The following PDZD2 variants were observed in gnomAD, a reference collection of about 807,000 sequenced individuals.
PDZD2 encodes the protein PDZ domain containing 2.
In PDZD2, 90 loss-of-function variants were observed where a neutral mutation model predicts 220.7. That is an observed-to-expected ratio of 0.41 (90% CI 0.34 to 0.49). The LOEUF (loss-of-function observed/expected upper bound fraction) is 0.49, where lower values mean the gene tolerates loss of function less well. Ranked by LOEUF, PDZD2 falls within the 20% of genes least tolerant of loss-of-function variation. The probability of loss-of-function intolerance (pLI) is 0.28; values close to 1 mark genes in which losing one functional copy is unlikely to be tolerated. For missense variants in PDZD2, 3,174 were observed against 3,608.5 expected (o/e 0.88, Z 3.08); for synonymous variants, 1,375 against 1,450.5 (o/e 0.95, Z 1.18).
chr5:31,991,633 A>C (rs977197500), intron 3 of PDZD2, among the ~76,000 whole-genome samples: 1 of 152,230 alleles, frequency 6.6e-6, no homozygotes, highest in South Asian at 2.1e-4. Flanking sequence ...GTTATATTTA[A>C]GTTGGCCTGT....
rs1744991195 is a variant in PDZD2 at position 31,642,635 on chromosome 5, A to G, written c.-361+3198A>G. Among the ~76,000 whole-genome samples, 3 of 152,178 alleles carry G rather than the reference A, an allele frequency of 2.0e-5. No homozygotes were observed. In the South Asian group the frequency reaches 6.2e-4, roughly 32 times the overall value. On this transcript the variant is annotated intron_variant, in intron 1 of 24. Transcript: ENST00000438447. The stretch of plus-strand genomic sequence containing the variant: ...AGTCCCTCCATTCTCCCTCCCAGGC[A>G]TGTTTGGTAAACAAAAGAGATGTGG...
intron 6 of PDZD2, among the ~76,000 whole-genome samples, chr5:32,018,218 G>T (rs535032233): frequency 1.2e-4 from 18 of 152,226 alleles, no homozygotes; most frequent in Non-Finnish European, 2.4e-4. Context: ...GGCCTCCTTG[G>T]CAGGTCTGAG....
At chr5:31,937,525 G>C (rs567618632) in intron 2 of PDZD2, among the ~76,000 whole-genome samples, 1 of 152,202 alleles carries the variant, frequency 6.6e-6, no homozygotes, top group Admixed American at 6.5e-5. Flanking sequence ...TCCTCATGCC[G>C]TGGTGGCCAC....
intron 2 of PDZD2, among the ~76,000 whole-genome samples, chr5:31,913,552 A>C (rs1044789705): frequency 1.3e-5 from 2 of 152,150 alleles, no homozygotes; most frequent in Non-Finnish European, 2.9e-5. Flanking sequence ...TCATACTATT[A>C]TAATGTTAAC....
At position 32,072,201 on chromosome 5, in the gene PDZD2, C is replaced by T; in HGVS notation, c.2609C>T (p.Ala870Val). Residue 870 changes from alanine to valine, a missense_variant, in exon 17 of 25, where the codon GCC becomes GTC. Physicochemically the swap from Ala to Val is moderately conservative, Grantham distance 64. Transcript: ENST00000438447. ...ISESELSQYF[A>V]HDVPGPLSDF... The stretch of plus-strand genomic sequence containing the variant: ...GAATCTGAACTCTCCCAGTACTTTG[C>T]CCACGATGTCCCTGGCCCCTTGTCA... The T allele has an allele frequency of 2.5e-6, 4 of 1,612,824 alleles. No homozygotes were observed. Among genetic ancestry groups the T allele is most frequent in the Admixed American group, 1.7e-5 (1 of 60,010 alleles).
At chr5:31,970,676 A>G (rs1749220770) in intron 2 of PDZD2, among the ~76,000 whole-genome samples, 1 of 152,132 alleles carries the variant, frequency 6.6e-6, no homozygotes, top group South Asian at 2.1e-4. Context: ...AATTAAAAAA[A>G]AAAGAGTGAC....
rs1755159903 is a variant in PDZD2, at chr5:31,812,153, G to A, written c.476+12429G>A. 5.3e-5 allele frequency among the ~76,000 whole-genome samples: 8 copies of A among 152,252 alleles called. No individual in the cohort carries two copies. In the South Asian group the frequency reaches 1.7e-3, roughly 32 times the overall value. On this transcript the variant is annotated intron_variant, in intron 2 of 24. Transcript: ENST00000438447. ...ATCCACTCCTGTGAAGTCCTCATCT[G>A]AACCAGTGTAATGGGCAGAAAGAAC... is the stretch of plus-strand genomic sequence containing the variant.
intron 2 of PDZD2, among the ~76,000 whole-genome samples, chr5:31,860,952 T>C (rs1737646021): frequency 6.6e-6 from 1 of 152,164 alleles, no homozygotes; most frequent in Non-Finnish European, 1.5e-5. Flanking sequence ...CTGAGATGAT[T>C]AGCCCATTCA....
intron 1 of PDZD2, among the ~76,000 whole-genome samples, chr5:31,796,469 C>T (rs188944868): frequency 1.3e-5 from 2 of 152,158 alleles, no homozygotes; most frequent in East Asian, 3.9e-4. Flanking sequence ...GAGATAGAAT[C>T]GTTCAAAAGT....
At chr5:31,850,038 GTA>G (rs556293068) in intron 2 of PDZD2, among the ~76,000 whole-genome samples, 12 of 48,196 alleles carry the variant, frequency 2.5e-4, no homozygotes, top group Admixed American at 7.0e-4. Context: ...ATATATACAC[GTA>G]TATATATATA....
chr5:32,081,490 C>G (rs1741947275), intron 19 of PDZD2, among the ~76,000 whole-genome samples: 1 of 152,184 alleles, frequency 6.6e-6, no homozygotes, highest in Non-Finnish European at 1.5e-5. Flanking sequence ...CTGGCACCCT[C>G]AAGGGCTTTT....
intron 2 of PDZD2, among the ~76,000 whole-genome samples, chr5:31,865,486 T>C (rs544192005): frequency 4.1e-4 from 62 of 151,770 alleles, no homozygotes; most frequent in Middle Eastern, 3.4e-3. Flanking sequence ...CTCATTTTTA[T>C]TTTTTTGTAG....
At chr5:31,758,348 G>C (rs1751421295) in intron 1 of PDZD2, among the ~76,000 whole-genome samples, 1 of 152,254 alleles carries the variant, frequency 6.6e-6, no homozygotes, top group Admixed American at 6.5e-5. Context: ...GATGGAATGA[G>C]GGTTGGGCAG....
At chr5:31,836,228 C>CTTT (rs34323361) in intron 2 of PDZD2, among the ~76,000 whole-genome samples, 40,256 of 121,380 alleles carry the variant, frequency 0.33, 8,228 homozygotes, top group Non-Finnish European at 0.4. Flanking sequence ...ATTTTATTGG[C>CTTT]TTTTTTTTTT....
At chr5:32,003,124 C>CACACACCA (rs1491504558) in intron 5 of PDZD2, among the ~76,000 whole-genome samples, 1 of 36,892 alleles carries the variant, frequency 2.7e-5, no homozygotes, top group Non-Finnish European at 1.9e-4. Flanking sequence ...CACCACGCGC[C>CACACACCA]ACACACACAC....
At chr5:31,789,419 C>G (rs553183783) in intron 1 of PDZD2, among the ~76,000 whole-genome samples, 1 of 152,318 alleles carries the variant, frequency 6.6e-6, no homozygotes, top group South Asian at 2.1e-4. Context: ...CTGCCACAGT[C>G]CCCTTCTTTG....
At chr5:32,012,391 T>G (rs558370953) in intron 6 of PDZD2, among the ~76,000 whole-genome samples, 12 of 152,276 alleles carry the variant, frequency 7.9e-5, no homozygotes, top group South Asian at 4.1e-4. Flanking sequence ...ATTATTTTTT[T>G]TTGTTTTTTA....
intron 3 of PDZD2, among the ~76,000 whole-genome samples, chr5:31,988,004 C>T (rs973554914): frequency 1.3e-5 from 2 of 152,186 alleles, no homozygotes; most frequent in African/African-American, 2.4e-5. Flanking sequence ...CAGGTCAGGG[C>T]TAGGCTGCTT....
At chr5:31,855,181 C>A in intron 2 of PDZD2, 1 of 905,332 alleles carries the variant, frequency 1.1e-6, no homozygotes, top group Non-Finnish European at 1.3e-6. Context: ...AGGAAATCGG[C>A]TTCTCAGGCG....
Sources: gnomAD v4.1 joint callset for allele counts (sites outside exome capture counted in the v4.1 genomes callset) on GRCh38, gnomAD v4.1.1 for gene constraint, MANE v1.5 for transcripts, NCBI Gene and HGNC (gene_info 2026-07-23, HGNC 2026-07-21) for gene names.